Variants in FOXP1 observed in about 807,000 individuals in gnomAD.
FOXP1 encodes forkhead box P1.
A neutral mutation model predicts 98.2 loss-of-function variants in FOXP1; 15 were observed. The observed-to-expected ratio is 0.15, with a 90% CI of 0.10 to 0.24. The LOEUF (loss-of-function observed/expected upper bound fraction) is 0.24, where lower values mean the gene tolerates loss of function less well. FOXP1 is among the 10% of genes least tolerant of loss of function. FOXP1 has a pLI of 1.00. For synonymous variants in FOXP1, 371 were observed against 314.5 expected, an observed-to-expected ratio of 1.18 and a Z score of -1.90; for missense variants, 633 against 848.5, an observed-to-expected ratio of 0.75 and a Z score of 3.15.
chr3:71,276,744 C>T (rs927726072), intron 5 of FOXP1, among the ~76,000 whole-genome samples: 5 of 152,046 alleles, frequency 3.3e-5, no homozygotes, highest in African/African-American at 4.8e-5. Flanking sequence ...TGAATCATTT[C>T]GGGGTGTTAG....
At chr3:70,988,903 G>C (rs2040177732) in intron 13 of FOXP1, among the ~76,000 whole-genome samples, 2 of 152,108 alleles carry the variant, frequency 1.3e-5, no homozygotes, top group South Asian at 2.1e-4. Flanking sequence ...AAGATAAAGG[G>C]ATAGTCAAGA....
chr3:71,009,811 T>C (rs907488715), intron 12 of FOXP1, among the ~76,000 whole-genome samples: 1 of 152,096 alleles, frequency 6.6e-6, no homozygotes, highest in African/African-American at 2.4e-5. Flanking sequence ...TACAGTGGCA[T>C]TATCATAGCT....
chr3:71,197,757 T>C, intron 6 of FOXP1: 1 of 936,434 alleles, frequency 1.1e-6, no homozygotes. Flanking sequence ...TATGTATTTA[T>C]TTCAACTCTC....
chr3:71,048,068 C>T (rs1365827386), intron 9 of FOXP1, among the ~76,000 whole-genome samples: 2 of 151,822 alleles, frequency 1.3e-5, no homozygotes, highest in African/African-American at 4.8e-5. Flanking sequence ...GCAATCGTAT[C>T]GAGGTGGAGG....
chr3:71,537,477 C>G (rs532863330), intron 2 of FOXP1, among the ~76,000 whole-genome samples: 3 of 152,184 alleles, frequency 2.0e-5, no homozygotes, highest in Admixed American at 2.0e-4. Context: ...TGGCACCAGG[C>G]AGGCGCAGAG....
At chr3:71,187,525 G>A (rs2062721972) in intron 6 of FOXP1, among the ~76,000 whole-genome samples, 1 of 152,172 alleles carries the variant, frequency 6.6e-6, no homozygotes, top group Non-Finnish European at 1.5e-5. Flanking sequence ...AAAGGCTGCA[G>A]TGAGCTGAGA....
intron 7 of FOXP1, among the ~76,000 whole-genome samples, chr3:71,056,262 A>C (rs1039306319): frequency 1.3e-5 from 2 of 152,234 alleles, no homozygotes; most frequent in Non-Finnish European, 2.9e-5. Context: ...CATCTTCTTA[A>C]AGGAGAAACA....
intron 6 of FOXP1, among the ~76,000 whole-genome samples, chr3:71,187,993 A>G (rs182738734): frequency 6.6e-5 from 10 of 152,360 alleles, no homozygotes; most frequent in Non-Finnish European, 1.0e-4. Context: ...ACTACTTCGT[A>G]TCATGCAGCC....
rs889465649 is a variant in FOXP1 at position 71,239,345 on chromosome 3, C to A, written c.-11-40953G>T. Among the ~76,000 whole-genome samples, 31 of 152,102 alleles carry A rather than the reference C, an allele frequency of 2.0e-4. 1 individual carries two copies. The highest frequency in any genetic ancestry group is 6.5e-4 in the Admixed American group (10 of 15,278). ...GATCACGAGGTCAGGAGATCGAGAA[C>A]CAGCCTGACTAAGATGGTGAAACCC... is the stretch of plus-strand genomic sequence containing the variant. On this transcript the variant is annotated intron_variant, in intron 5 of 20. Coordinates refer to ENST00000649528, the MANE Select transcript of FOXP1 (RefSeq NM_001349338.3).
intron 2 of FOXP1, among the ~76,000 whole-genome samples, chr3:71,580,164 T>C (rs1202811011): frequency 3.0e-5 from 4 of 135,210 alleles, no homozygotes; most frequent in South Asian, 2.3e-4. Context: ...CTGTTTACTT[T>C]ACTTTTCCAA....
intron 2 of FOXP1, among the ~76,000 whole-genome samples, chr3:71,543,058 G>A (rs2045007336): frequency 6.6e-6 from 1 of 152,182 alleles, no homozygotes; most frequent in South Asian, 2.1e-4. Context: ...ATGCAAAACT[G>A]TGAAGCAACA....
At chr3:70,978,568 G>A (rs958834209) in intron 14 of FOXP1, among the ~76,000 whole-genome samples, 4 of 152,102 alleles carry the variant, frequency 2.6e-5, no homozygotes, top group African/African-American at 9.7e-5. Context: ...AATGGAAAGA[G>A]CCCCATGTGG....
At chr3:71,363,025 TTTAAA>T (rs1437345945) in intron 3 of FOXP1, among the ~76,000 whole-genome samples, 2 of 152,200 alleles carry the variant, frequency 1.3e-5, no homozygotes, top group African/African-American at 2.4e-5. Flanking sequence ...TTCTTTGTAC[TTTAAA>T]TTAAATTTCT....
At chr3:71,515,691 A>G (rs566348817) in intron 2 of FOXP1, among the ~76,000 whole-genome samples, 1 of 152,310 alleles carries the variant, frequency 6.6e-6, no homozygotes, top group Non-Finnish European at 1.5e-5. Flanking sequence ...GAAAAAAAGT[A>G]ACTCAAGAAT....
chr3:71,037,286 GCTATTAGT>G (rs2047720093), intron 11 of FOXP1, among the ~76,000 whole-genome samples: 1 of 152,150 alleles, frequency 6.6e-6, no homozygotes, highest in Non-Finnish European at 1.5e-5. Context: ...AGTAGTAATT[GCTATTAGT>G]ATTTACATAG....
rs2057212343 is a variant in FOXP1 at position 71,103,996 on chromosome 3, TTGA to T, written c.282+8537_282+8539del. 3.3e-5 allele frequency among the ~76,000 whole-genome samples: 5 copies of T among 152,288 alleles called. No individual in the cohort carries two copies. The South Asian group carries it at 1.0e-3, about 32-fold the overall frequency. ...GAGGCTTTAATTTTCTACATTAGAC[TTGA>T]TGATCACTATTTTGGTTCTGAGATT... is the stretch of plus-strand genomic sequence containing the variant. On this transcript the variant is annotated intron_variant, in intron 7 of 20. Transcript: ENST00000649528.
At chr3:71,260,829 C>G (rs6795779) in intron 5 of FOXP1, among the ~76,000 whole-genome samples, 113,316 of 151,914 alleles carry the variant, frequency 0.75, 42,510 homozygotes, top group East Asian at 0.87. Context: ...GGCATGAGCC[C>G]CCACGCCCGG....
At chr3:71,334,686 T>A (rs569640118) in intron 4 of FOXP1, 1 of 152,324 alleles carries the variant, frequency 6.6e-6, no homozygotes, top group African/African-American at 2.4e-5. Flanking sequence ...GCAACATTTT[T>A]AATTCAGTAA....
intron 6 of FOXP1, among the ~76,000 whole-genome samples, chr3:71,158,109 G>A (rs6549380): frequency 0.3 from 5,374 of 17,912 alleles, 692 homozygotes; most frequent in African/African-American, 0.39. Context: ...GGAAGGAAGG[G>A]AGGGAGGGAG....
Sources: gnomAD v4.1 joint callset for allele counts (sites outside exome capture counted in the v4.1 genomes callset) on GRCh38, gnomAD v4.1.1 for gene constraint, MANE v1.5 for transcripts, NCBI Gene and HGNC (gene_info 2026-07-23, HGNC 2026-07-21) for gene names.